The following LNP1 variants were observed in gnomAD, a reference collection of about 807,000 sequenced individuals.
LNP1 encodes the protein leukemia NUP98 fusion partner 1.
Under a neutral mutation model 14.5 loss-of-function variants are expected in LNP1, and 12 were observed. That is an observed-to-expected ratio of 0.83 (90% CI 0.53 to 1.34). The LOEUF is 1.34. Among genes scored for constraint, LNP1 ranks in the 40% most tolerant of loss-of-function variants. LNP1 has a pLI of 0.00. For missense variants in LNP1, 198 were observed against 210.9 expected (o/e 0.94, Z 0.38); for synonymous variants, 75 against 71.4 (o/e 1.05, Z -0.26).
chr3:100,418,986 G>A (rs765320576), intron 1 of LNP1, among the ~76,000 whole-genome samples: 4 of 152,158 alleles, frequency 2.6e-5, no homozygotes, highest in Non-Finnish European at 5.9e-5. Flanking sequence ...AGAGGATGCC[G>A]TGTTGCTTCT....
At chr3:100,403,785 T>G (rs1402345890) in intron 1 of LNP1, among the ~76,000 whole-genome samples, 1 of 152,234 alleles carries the variant, frequency 6.6e-6, no homozygotes, top group Non-Finnish European at 1.5e-5. Context: ...GTTGTGTGTG[T>G]GACCATGGGC....
chr3:100,451,673 TGC>T (rs2148908633), intron 2 of LNP1, 44 bp from the exon 3 acceptor site: 1 of 978,828 alleles, frequency 1.0e-6, no homozygotes, highest in East Asian at 2.4e-5. Flanking sequence ...GTGCTAACAT[TGC>T]ACAGTCCTTT....
chr3:100,417,371 C>CTT (rs562000656), intron 1 of LNP1, among the ~76,000 whole-genome samples: 1,123 of 64,604 alleles, frequency 0.017, 159 homozygotes, highest in Middle Eastern at 0.04. Context: ...TTTCTTTTTT[C>CTT]TTTTTTTTTT....
At chr3:100,422,168 T>A (rs1037149783) in intron 1 of LNP1, among the ~76,000 whole-genome samples, 4 of 149,010 alleles carry the variant, frequency 2.7e-5, no homozygotes, top group African/African-American at 1.0e-4. Context: ...ACTGATGAAC[T>A]GGATTGATAA....
At chr3:100,449,219 C>T (rs1041572296) in intron 2 of LNP1, among the ~76,000 whole-genome samples, 1 of 151,886 alleles carries the variant, frequency 6.6e-6, no homozygotes, top group Non-Finnish European at 1.5e-5. Flanking sequence ...TGAGGCTAGC[C>T]CATGTGTTGT....
At chr3:100,438,940 G>T (rs77664164) in intron 2 of LNP1, among the ~76,000 whole-genome samples, 2,446 of 152,230 alleles carry the variant, frequency 0.016, 67 homozygotes, top group African/African-American at 0.056. Flanking sequence ...CCTTAGAAGG[G>T]CATATAAAAT....
chr3:100,445,710 A>G (rs1293867705), intron 2 of LNP1, among the ~76,000 whole-genome samples: 1 of 152,222 alleles, frequency 6.6e-6, no homozygotes, highest in Non-Finnish European at 1.5e-5. Context: ...CCATCGTCTC[A>G]GCCCAAAATC....
chr3:100,436,290 G>T (rs1248949457), intron 2 of LNP1, among the ~76,000 whole-genome samples: 2 of 152,090 alleles, frequency 1.3e-5, no homozygotes, highest in Non-Finnish European at 2.9e-5. Flanking sequence ...CTGGTCAATT[G>T]TTGTGTCTAA....
At chr3:100,411,962 T>A (rs1232794256) in intron 1 of LNP1, among the ~76,000 whole-genome samples, 1 of 152,172 alleles carries the variant, frequency 6.6e-6, no homozygotes, top group African/African-American at 2.4e-5. Context: ...AAATAAATAT[T>A]CTGCTAAAGG....
chr3:100,447,867 T>C (rs921404783), intron 2 of LNP1, among the ~76,000 whole-genome samples: 1 of 152,222 alleles, frequency 6.6e-6, no homozygotes, highest in Non-Finnish European at 1.5e-5. Flanking sequence ...GTTTTATATA[T>C]GAGCTTTAAA....
At chr3:100,452,094 A>T in intron 3 of LNP1, 145 bp downstream of exon 3, 1 of 542,678 alleles carries the variant, frequency 1.8e-6, no homozygotes, top group Middle Eastern at 4.5e-4. Context: ...ATTCAGTTTA[A>T]CATAACCCAG....
At chr3:100,406,691 T>A (rs996457869) in intron 1 of LNP1, among the ~76,000 whole-genome samples, 1 of 151,520 alleles carries the variant, frequency 6.6e-6, no homozygotes, top group African/African-American at 2.4e-5. Flanking sequence ...CCCGCCACCA[T>A]GCCTGGCTAA....
chr3:100,452,729 T>C (rs900676508), intron 3 of LNP1, among the ~76,000 whole-genome samples: 1 of 152,154 alleles, frequency 6.6e-6, no homozygotes, highest in Non-Finnish European at 1.5e-5. Context: ...AGGAGTGGGC[T>C]AGGTGCTCAT....
At chr3:100,404,392 A>G (rs1209042244) in intron 1 of LNP1, among the ~76,000 whole-genome samples, 2 of 152,206 alleles carry the variant, frequency 1.3e-5, no homozygotes, top group Non-Finnish European at 2.9e-5. Context: ...ATGATGTCCA[A>G]TATGGTAGCC....
chr3:100,415,458 T>G (rs2148900093), intron 1 of LNP1, among the ~76,000 whole-genome samples: 1 of 152,312 alleles, frequency 6.6e-6, no homozygotes. Flanking sequence ...TCTACAATAT[T>G]GGCAACAGTT....
chr3:100,455,720 G>T, intron 3 of LNP1, 57 bp from the exon 4 acceptor site: 1 of 1,529,994 alleles, frequency 6.5e-7, no homozygotes. Flanking sequence ...TAAGAGAAAT[G>T]TGGAGTGTTG....
At chr3:100,448,805 A>G (rs1239673409) in intron 2 of LNP1, among the ~76,000 whole-genome samples, 1 of 152,222 alleles carries the variant, frequency 6.6e-6, no homozygotes, top group Non-Finnish European at 1.5e-5. Flanking sequence ...TACACAACAC[A>G]TAAATACATA....
At chr3:100,413,263 C>T (rs1047580068) in intron 1 of LNP1, among the ~76,000 whole-genome samples, 4 of 152,148 alleles carry the variant, frequency 2.6e-5, no homozygotes, top group Non-Finnish European at 4.4e-5. Context: ...AGCCCTTATG[C>T]GGTTATTTTT....
intron 2 of LNP1, among the ~76,000 whole-genome samples, chr3:100,447,049 C>T (rs887356946): frequency 2.6e-5 from 4 of 152,164 alleles, no homozygotes; most frequent in Non-Finnish European, 5.9e-5. Context: ...GGCAATTCCT[C>T]AAGGATCTAG....
Sources: gnomAD v4.1 joint callset for allele counts (sites outside exome capture counted in the v4.1 genomes callset) on GRCh38, gnomAD v4.1.1 for gene constraint, MANE v1.5 for transcripts, NCBI Gene and HGNC (gene_info 2026-07-23, HGNC 2026-07-21) for gene names.